The following LRRK1 variants were observed in gnomAD, a reference collection of about 807,000 sequenced individuals.
LRRK1 encodes the protein leucine rich repeat kinase 1.
A neutral mutation model predicts 209.1 loss-of-function variants in LRRK1; 113 were observed. That is an observed-to-expected ratio of 0.54 (90% CI 0.46 to 0.63). The LOEUF is 0.63. Among genes scored for constraint, LRRK1 ranks in the 30% least tolerant of loss-of-function variants. The probability of loss-of-function intolerance (pLI) is 0.00; values close to 1 mark genes in which losing one functional copy is unlikely to be tolerated. For synonymous variants in LRRK1, 1,144 were observed against 1,099.7 expected, an observed-to-expected ratio of 1.04 and a Z score of -0.80; for missense variants, 2,284 against 2,632.2, an observed-to-expected ratio of 0.87 and a Z score of 2.89.
intron 12 of LRRK1, among the ~76,000 whole-genome samples, chr15:101,017,376 A>G (rs1046144708): frequency 2.0e-5 from 3 of 152,200 alleles, no homozygotes; most frequent in Non-Finnish European, 2.9e-5. Flanking sequence ...TGAAAAAGGA[A>G]TATCAGTGGA....
intron 1 of LRRK1, among the ~76,000 whole-genome samples, chr15:100,920,819 C>A (rs891380379): frequency 6.6e-6 from 1 of 152,076 alleles, no homozygotes; most frequent in Non-Finnish European, 1.5e-5. Flanking sequence ...CCTTCAGTAG[C>A]TTCTCCTTGC....
chr15:100,993,066 G>A (rs1426423226), intron 6 of LRRK1, among the ~76,000 whole-genome samples: 1 of 152,162 alleles, frequency 6.6e-6, no homozygotes, highest in East Asian at 1.9e-4. Flanking sequence ...AGTACTGCAG[G>A]GCCTTCGTCT....
rs771745497 is a variant in LRRK1, at chr15:100,988,799, C to T, written c.599C>T (p.Ala200Val). ...GTCATCGTGCGCTTGCCCCTGTATG[C>T]GGCCATCAAGTCAGGTGGGTTTCCC... ...FPVIVRLPLY[A>V]AIKSGNEDIA... The change falls in exon 5 of 34, where the codon GCG becomes GTG. Residue 200 changes from alanine (A) to valine (V), a missense_variant. Transcript: ENST00000388948. 1.6e-5 allele frequency: 25 copies of T among 1,602,220 alleles called. No individual in the cohort carries two copies. Among genetic ancestry groups the T allele is most frequent in the African/African-American group, 6.7e-5 (5 of 74,762 alleles).
chr15:100,988,806 C>T lies in LRRK1; in HGVS notation c.606C>T (p.Ile202=). The T allele has an allele frequency of 1.9e-6, 3 of 1,598,948 alleles. No homozygotes were observed. The highest frequency in any genetic ancestry group is 2.6e-6 in the Non-Finnish European group (3 of 1,169,530). ...VIVRLPLYAA[I]KSGNEDIAIF... is the part of the protein sequence containing the mutation. ...TGCGCTTGCCCCTGTATGCGGCCATCAAGTCAGGTGGGTTTCCCCACTACC... is the reference window on the plus strand; with the variant it reads ...TGCGCTTGCCCCTGTATGCGGCCATTAAGTCAGGTGGGTTTCCCCACTACC... The change falls in exon 5 of 34, where the codon ATC becomes ATT. Residue 202 remains isoleucine, a synonymous_variant. Transcript: ENST00000388948.
intron 2 of LRRK1, among the ~76,000 whole-genome samples, chr15:100,945,959 A>G (rs2042533235): frequency 6.6e-6 from 1 of 152,242 alleles, no homozygotes; most frequent in Admixed American, 6.5e-5. Flanking sequence ...TTGAATATTC[A>G]AAGAGGCTAT....
intron 32 of LRRK1, 129 bp from the exon 33 acceptor site, chr15:101,066,511 T>C: frequency 1.1e-6 from 1 of 882,048 alleles, no homozygotes; most frequent in Non-Finnish European, 1.8e-6. Context: ...CCCCTCCCCA[T>C]AACTTAATCC....
chr15:101,066,815 C>T (rs1474477340), intron 33 of LRRK1, 74 bp downstream of exon 33: 1 of 1,199,974 alleles, frequency 8.3e-7, no homozygotes, highest in African/African-American at 1.5e-5. Context: ...CCAGGTCCTG[C>T]ACAGTGGCTT....
intron 10 of LRRK1, among the ~76,000 whole-genome samples, chr15:101,013,105 G>T (rs2033350917): frequency 6.6e-6 from 1 of 152,116 alleles, no homozygotes; most frequent in African/African-American, 2.4e-5. Flanking sequence ...CTGTGGGCCT[G>T]CAGGGAATGT....
intron 3 of LRRK1, among the ~76,000 whole-genome samples, chr15:100,975,964 G>A (rs994971169): frequency 3.3e-5 from 5 of 151,956 alleles, no homozygotes; most frequent in Non-Finnish European, 5.9e-5. Context: ...AGATAAAAAA[G>A]AAGAAATAGA....
Position 101,056,916 on chromosome 15 carries a change from C to G in LRRK1, c.4393C>G (p.Leu1465Val). Residue 1465 changes from leucine (L) to valine (V), a missense_variant, in exon 28 of 34, where the codon CTG (leucine) becomes GTG (valine). Around this residue, in one of 6 missense-constraint regions of LRRK1, gnomAD observed 59 missense variants for 103.8 expected, o/e 0.57. Coordinates refer to ENST00000388948, the MANE Select transcript of LRRK1 (RefSeq NM_024652.6). ...GTTGCTGTCAGGACAGCGCCCTGCA[C>G]TGGGCCACCACCAGCTCCAGATTGC... is the stretch of plus-strand genomic sequence containing the variant. ...YELLSGQRPA[L>V]GHHQLQIAKK... 6.2e-7 allele frequency: 1 copy of G among 1,614,182 alleles called. No homozygotes were observed. Among genetic ancestry groups the G allele is most frequent in the Non-Finnish European group, 8.5e-7 (1 of 1,180,028 alleles).
Position 101,021,775 on chromosome 15 carries a change from CGTGTGTGTGTGTGTGTGTGTGT to C in LRRK1, c.1740-53_1740-32del, listed in dbSNP as rs3031683. 184 of 857,060 alleles carry C rather than the reference CGTGTGTGTGTGTGTGTGTGTGT, an allele frequency of 2.1e-4. 1 individual carries two copies. Among genetic ancestry groups the C allele is most frequent in the African/African-American group, 1.8e-3 (105 of 57,502 alleles). The allele number at this position is 857,060 out of a possible 1,614,324, so 53.1% of individuals were successfully genotyped here. A position where few individuals can be genotyped will look rare whatever the true frequency, so the allele number is the denominator to read the frequency against. On this transcript the variant is annotated intron_variant, in intron 13 of 33. Coordinates refer to ENST00000388948, the MANE Select transcript of LRRK1 (RefSeq NM_024652.6). Reference sequence around the variant, plus strand: ...GAGGCTGACAGGAGCCACGTGTGTGCGTGTGTGTGTGTGTGTGTGTGTGTGTGTGTGTGTGTGTATTCTCTCG... The same window carrying C: ...GAGGCTGACAGGAGCCACGTGTGTGCGTGTGTGTGTGTGTGTATTCTCTCG...
At position 101,074,000 on chromosome 15, in the gene LRRK1, T is replaced by C. The variant is rs1045179581; in HGVS notation, c.*5152T>C. On this transcript the variant is annotated 3_prime_UTR_variant, in exon 34 of 34. Coordinates refer to ENST00000388948, the MANE Select transcript of LRRK1 (RefSeq NM_024652.6). ...ATTTTTCCATCCTGCAAGATCTAAATAATTCTTGTCGTAAAATGGGCAAAT... is the reference window on the plus strand; with the variant it reads ...ATTTTTCCATCCTGCAAGATCTAAACAATTCTTGTCGTAAAATGGGCAAAT... The C allele has an allele frequency of 8.5e-5, 13 of 152,138 alleles. No homozygotes were observed. The highest frequency in any genetic ancestry group is 3.3e-4 in the Admixed American group (5 of 15,278). The allele number at this position is 152,138 out of a possible 1,614,324, so 9.4% of individuals were successfully genotyped here. A position where few individuals can be genotyped will look rare whatever the true frequency, so the allele number is the denominator to read the frequency against.
intron 6 of LRRK1, among the ~76,000 whole-genome samples, chr15:100,997,973 G>T (rs551690016): frequency 6.6e-6 from 1 of 152,250 alleles, no homozygotes; most frequent in South Asian, 2.1e-4. Context: ...GAGGTTAGGA[G>T]TTCGAGACCA....
In LRRK1 at chr15:100,973,882, G is replaced by C; in HGVS notation, c.176G>C (p.Arg59Pro). The part of the protein sequence containing the change: ...AARSRRTEGI[R>P]AAYRRGDRGG... ...CGGTCCCGCAGGACGGAAGGCATCC[G>C]CGCCGCGTACAGGCGGGGAGACCGC... Residue 59 changes from arginine (R) to proline (P), a missense_variant, in exon 3 of 34, where the codon CGC becomes CCC. Arg to Pro is a moderately radical substitution (Grantham distance 103). Transcript: ENST00000388948. The C allele has an allele frequency of 7.8e-7, 1 of 1,279,784 alleles. No homozygotes were observed. Among genetic ancestry groups the C allele is most frequent in the Non-Finnish European group, 9.9e-7 (1 of 1,008,072 alleles). 79.3% of individuals were successfully genotyped at this position (1,279,784 alleles called of 1,614,324 possible).
chr15:100,977,901 A>G (rs559823752), intron 3 of LRRK1, among the ~76,000 whole-genome samples: 62 of 152,332 alleles, frequency 4.1e-4, no homozygotes, highest in African/African-American at 1.4e-3. Context: ...CAACACTAGG[A>G]TGACTCCAAT....
At chr15:101,008,686 G>A in intron 6 of LRRK1, 151 bp from the exon 7 acceptor site, 2 of 638,254 alleles carry the variant, frequency 3.1e-6, no homozygotes, top group Non-Finnish European at 2.8e-6. Context: ...GGCAGGTGCC[G>A]GCGGCCGAGA....
At chr15:101,064,052 C>T (rs566571700) in intron 31 of LRRK1, among the ~76,000 whole-genome samples, 4 of 152,314 alleles carry the variant, frequency 2.6e-5, no homozygotes, top group East Asian at 3.9e-4. Flanking sequence ...CCTCCAAGGC[C>T]GCCAGCGCGA....
chr15:100,969,452 G>A (rs2030712145), intron 2 of LRRK1, among the ~76,000 whole-genome samples: 2 of 151,852 alleles, frequency 1.3e-5, no homozygotes, highest in Non-Finnish European at 2.9e-5. Context: ...TAGCCTTTAT[G>A]TTTAGGTCCA....
intron 2 of LRRK1, among the ~76,000 whole-genome samples, chr15:100,940,335 A>G (rs1483830368): frequency 6.6e-6 from 1 of 151,964 alleles, no homozygotes; most frequent in African/African-American, 2.4e-5. Context: ...GAGGACTCAT[A>G]TTTTTGCAAC....
Sources: gnomAD v4.1 joint callset for allele counts (sites outside exome capture counted in the v4.1 genomes callset) on GRCh38, gnomAD v4.1.1 for gene constraint, gnomAD v4.1.1 regional missense constraint, MANE v1.5 for transcripts, NCBI Gene and HGNC (gene_info 2026-07-23, HGNC 2026-07-21) for gene names.